Variants in SH2D4B observed in about 807,000 individuals in gnomAD.
The protein encoded by SH2D4B is SH2 domain containing 4B.
A neutral mutation model predicts 61.5 loss-of-function variants in SH2D4B; 45 were observed. The ratio of observed to expected loss-of-function variants is 0.73; its 90% confidence interval spans 0.58 to 0.94. SH2D4B has a LOEUF of 0.94. Among genes scored for constraint, SH2D4B ranks in the 40% least tolerant of loss-of-function variants. The probability of loss-of-function intolerance (pLI) is 0.00; values close to 1 mark genes in which losing one functional copy is unlikely to be tolerated. For missense variants in SH2D4B, 572 were observed against 574.2 expected (o/e 1.00, Z 0.04); for synonymous variants, 224 against 220.4 (o/e 1.02, Z -0.14).
intron 6 of SH2D4B, among the ~76,000 whole-genome samples, chr10:80,611,175 CAAAAAAAAAAAAAAA>C (rs35997031): frequency 4.4e-5 from 2 of 45,038 alleles, no homozygotes; most frequent in Non-Finnish European, 8.1e-5. Flanking sequence ...GACTCAGTCT[CAAAAAAAAAAAAAAA>C]AAAAAAAAAA....
chr10:80,640,765 T>C (rs891799192), intron 7 of SH2D4B, among the ~76,000 whole-genome samples: 6 of 152,162 alleles, frequency 3.9e-5, no homozygotes, highest in Admixed American at 2.0e-4. Flanking sequence ...AATTTATTAT[T>C]ACTGACCTTC....
intron 6 of SH2D4B, among the ~76,000 whole-genome samples, chr10:80,630,252 C>T (rs1282549342): frequency 1.3e-5 from 2 of 152,172 alleles, no homozygotes; most frequent in Non-Finnish European, 2.9e-5. Flanking sequence ...TCTAGTACCC[C>T]TGTGCCCTGC....
At chr10:80,580,023 A>G (rs7921558) in intron 3 of SH2D4B, among the ~76,000 whole-genome samples, 4,564 of 152,286 alleles carry the variant, frequency 0.03, 217 homozygotes, top group African/African-American at 0.1. Flanking sequence ...TGTGCTGTGA[A>G]CTGGCAATGG....
chr10:80,641,181 C>G (rs7897870), intron 7 of SH2D4B, among the ~76,000 whole-genome samples: 35,954 of 152,084 alleles, frequency 0.24, 4,453 homozygotes, highest in Admixed American at 0.32. Flanking sequence ...TCCCAGAGGG[C>G]CACCTGCCTG....
intron 1 of SH2D4B, among the ~76,000 whole-genome samples, chr10:80,555,701 A>G (rs1431184579): frequency 6.6e-6 from 1 of 152,192 alleles, no homozygotes; most frequent in African/African-American, 2.4e-5. Flanking sequence ...GTCGGCCTGA[A>G]GCTTTCCTAG....
rs534861376 is a variant in SH2D4B, at chr10:80,539,165, T to G, written c.184+650T>G. ...TTCAGGTGTTTTGTATGCAAAGTCATGTGCCAGTCAATCCTATGGACTGGT... is the reference window on the plus strand; with the variant it reads ...TTCAGGTGTTTTGTATGCAAAGTCAGGTGCCAGTCAATCCTATGGACTGGT... On this transcript the variant is annotated intron_variant, in intron 1 of 7. Transcript: ENST00000646907. The surrounding 1 kb of genome is among the most constrained non-coding windows in gnomAD (Gnocchi z 4.9). Among the ~76,000 whole-genome samples, 4 of 152,348 alleles carry G rather than the reference T, an allele frequency of 2.6e-5. No individual in the cohort carries two copies. Among genetic ancestry groups the G allele is most frequent in the Admixed American group, 2.6e-4 (4 of 15,304 alleles).
intron 6 of SH2D4B, among the ~76,000 whole-genome samples, chr10:80,630,526 T>G (rs1480850497): frequency 6.6e-6 from 1 of 152,136 alleles, no homozygotes; most frequent in Non-Finnish European, 1.5e-5. Context: ...GCTGAGCAGG[T>G]TGCACACTGA....
chr10:80,572,022 T>C (rs1428361505), intron 3 of SH2D4B, among the ~76,000 whole-genome samples: 1 of 152,036 alleles, frequency 6.6e-6, no homozygotes. Context: ...TCCGCCCGCC[T>C]CGGCCTTCCA....
At chr10:80,587,843 G>A (rs1233753120) in intron 3 of SH2D4B, among the ~76,000 whole-genome samples, 1 of 152,190 alleles carries the variant, frequency 6.6e-6, no homozygotes, top group Non-Finnish European at 1.5e-5. Context: ...AACATGCAGT[G>A]TTTGGTTTTC....
intron 6 of SH2D4B, among the ~76,000 whole-genome samples, chr10:80,623,020 T>G (rs960868022): frequency 1.3e-5 from 2 of 152,232 alleles, no homozygotes; most frequent in Non-Finnish European, 2.9e-5. Context: ...GTTCAAGCGA[T>G]TCTCCTGCTT....
intron 6 of SH2D4B, among the ~76,000 whole-genome samples, chr10:80,614,850 G>A (rs1241034749): frequency 6.6e-6 from 1 of 152,224 alleles, no homozygotes; most frequent in Non-Finnish European, 1.5e-5. Context: ...GAGGACTGAG[G>A]ATGTTCTCCA....
At chr10:80,572,980 A>T (rs1159497587) in intron 3 of SH2D4B, among the ~76,000 whole-genome samples, 303 of 9,310 alleles carry the variant, frequency 0.033, 26 homozygotes, top group African/African-American at 0.14. Flanking sequence ...ATATATATAT[A>T]TATATATTTT....
At chr10:80,628,586 C>CA (rs1842791269) in intron 6 of SH2D4B, among the ~76,000 whole-genome samples, 2 of 152,212 alleles carry the variant, frequency 1.3e-5, no homozygotes. Context: ...TCCTTGCAAG[C>CA]ATCCTATGCT....
intron 3 of SH2D4B, among the ~76,000 whole-genome samples, chr10:80,586,824 A>G (rs1842257295): frequency 6.6e-6 from 1 of 152,194 alleles, no homozygotes; most frequent in Non-Finnish European, 1.5e-5. Flanking sequence ...TATGAGCTGT[A>G]ACACTCATAG....
rs1564775919 is a variant in SH2D4B at position 80,587,146 on chromosome 10, GTT to G, written c.496-1481_496-1480del. Among the ~76,000 whole-genome samples, 50 of 86,158 alleles carry G rather than the reference GTT, an allele frequency of 5.8e-4. No homozygotes were observed. In the Admixed American group the frequency reaches 5.9e-3, roughly 10 times the overall value. 56.5% of individuals were successfully genotyped at this position (86,158 alleles called of 152,430 possible). A position where few individuals can be genotyped will look rare whatever the true frequency, so the allele number is the denominator to read the frequency against. On this transcript the variant is annotated intron_variant, in intron 3 of 7. Transcript: ENST00000646907. ...TCCGGCCACGTTTTTTTTTTTTTTTGTTTTGTTTTTTTTTTTTTTTTTGGAGA... is the reference window on the plus strand; with the variant it reads ...TCCGGCCACGTTTTTTTTTTTTTTTGTTGTTTTTTTTTTTTTTTTTGGAGA...
chr10:80,608,973 A>T (rs1368807117), intron 5 of SH2D4B, among the ~76,000 whole-genome samples: 5 of 152,120 alleles, frequency 3.3e-5, no homozygotes, highest in African/African-American at 4.8e-5. Context: ...GAGAGAGAGA[A>T]GGGGATGAGA....
rs11186202 is a variant in SH2D4B, at chr10:80,594,613, C to T, written c.643+5836C>T. On this transcript the variant is annotated intron_variant, in intron 4 of 7. Coordinates refer to ENST00000646907, the MANE Select transcript of SH2D4B (RefSeq NM_001388272.1). ...CTCACTAGTGAAGACATCTAGTCCT[C>T]GGGTTTCTTTACGGGAATTTTTTTT... Among the ~76,000 whole-genome samples the T allele has an allele frequency of 6.2e-3, 937 of 152,278 alleles. 11 individuals carry two copies. Among genetic ancestry groups the T allele is most frequent in the African/African-American group, 0.022 (899 of 41,556 alleles).
intron 1 of SH2D4B, among the ~76,000 whole-genome samples, chr10:80,545,621 G>T (rs1158238522): frequency 6.7e-6 from 1 of 149,878 alleles, no homozygotes; most frequent in Admixed American, 6.6e-5. Context: ...GCCTAAAAGT[G>T]CCATGAGTCC....
chr10:80,598,025 A>G (rs1372002800), intron 4 of SH2D4B, among the ~76,000 whole-genome samples: 1 of 152,242 alleles, frequency 6.6e-6, no homozygotes, highest in East Asian at 1.9e-4. Flanking sequence ...TTATACTGAC[A>G]AAAAATCGTG....
Sources: allele counts gnomAD v4.1 joint callset (sites outside exome capture counted in the v4.1 genomes callset), GRCh38; gene constraint gnomAD v4.1.1; non-coding constraint Gnocchi (gnomAD v3.1); transcripts MANE v1.5; gene names NCBI Gene and HGNC (gene_info 2026-07-23, HGNC 2026-07-21).